Variants in NKAIN2 observed in about 807,000 individuals in gnomAD.
NKAIN2 encodes sodium/potassium-transporting ATPase subunit beta-1-interacting protein 2.
NKAIN2 carries 14 observed loss-of-function variants against 32.6 expected under a neutral mutation model. The ratio of observed to expected loss-of-function variants is 0.43; its 90% confidence interval spans 0.28 to 0.67. The LOEUF (loss-of-function observed/expected upper bound fraction) is 0.67, where lower values mean the gene tolerates loss of function less well. Among genes scored for constraint, NKAIN2 ranks in the 30% least tolerant of loss-of-function variants. The pLI, the probability that NKAIN2 is intolerant of heterozygous loss-of-function variation, is 0.17. For missense variants in NKAIN2, 198 were observed against 258.3 expected, an observed-to-expected ratio of 0.77 and a Z score of 1.60; for synonymous variants, 80 against 87.2, an observed-to-expected ratio of 0.92 and a Z score of 0.46.
At chr6:124,261,693 C>T (rs1327521600) in intron 1 of NKAIN2, among the ~76,000 whole-genome samples, 1 of 152,014 alleles carries the variant, frequency 6.6e-6, no homozygotes, top group Admixed American at 6.6e-5. Flanking sequence ...AGCCCCACCT[C>T]GGCTAAAAGT....
At chr6:124,704,876 C>T (rs1357560239) in intron 4 of NKAIN2, among the ~76,000 whole-genome samples, 1 of 151,888 alleles carries the variant, frequency 6.6e-6, no homozygotes, top group Non-Finnish European at 1.5e-5. Context: ...GTGCTATCTG[C>T]ATTTAATTTT....
At chr6:124,304,687 G>T (rs561400830) in intron 2 of NKAIN2, among the ~76,000 whole-genome samples, 1 of 151,768 alleles carries the variant, frequency 6.6e-6, no homozygotes, top group African/African-American at 2.4e-5. Context: ...AGGCCAAGGT[G>T]GGGGGATCAT....
intron 3 of NKAIN2, among the ~76,000 whole-genome samples, chr6:124,571,859 T>C (rs1345886637): frequency 6.6e-6 from 1 of 152,188 alleles, no homozygotes; most frequent in Non-Finnish European, 1.5e-5. Context: ...AACATAATTC[T>C]TCACCTCATC....
At chr6:124,320,349 G>T (rs1797124608) in intron 2 of NKAIN2, among the ~76,000 whole-genome samples, 1 of 152,086 alleles carries the variant, frequency 6.6e-6, no homozygotes. Context: ...CTCAAATGAA[G>T]AAATTTTAAA....
chr6:123,969,953 A>G (rs906268923), intron 1 of NKAIN2, among the ~76,000 whole-genome samples: 3 of 152,228 alleles, frequency 2.0e-5, no homozygotes, highest in Admixed American at 2.0e-4. Context: ...TAAAATGAAT[A>G]ATTCAATCAA....
chr6:124,333,245 T>G (rs1797736307), intron 2 of NKAIN2, among the ~76,000 whole-genome samples: 1 of 152,190 alleles, frequency 6.6e-6, no homozygotes. Flanking sequence ...ATTAACATAT[T>G]CATTTCCTGT....
chr6:123,891,990 A>G (rs1222344223), intron 1 of NKAIN2, among the ~76,000 whole-genome samples: 3 of 152,162 alleles, frequency 2.0e-5, no homozygotes, highest in Non-Finnish European at 4.4e-5. Context: ...AGATCTGTGG[A>G]TGAGGCCAGT....
chr6:124,151,901 T>C (rs577142998), intron 1 of NKAIN2, among the ~76,000 whole-genome samples: 15 of 152,072 alleles, frequency 9.9e-5, no homozygotes, highest in African/African-American at 3.6e-4. Context: ...GATACAACTC[T>C]TTATATTTTT....
rs115160137 is a variant in NKAIN2 at position 124,694,034 on chromosome 6, A to G, written c.474+35648A>G. Among the ~76,000 whole-genome samples the G allele has an allele frequency of 8.5e-3, 1,294 of 152,290 alleles. 19 individuals carry two copies. Among genetic ancestry groups the G allele is most frequent in the African/African-American group, 0.03 (1,245 of 41,538 alleles). ...TCCTTGCCATAAAAATCAGTAACCC[A>G]AGTCAATTACCCTAAATCTGCATCT... On this transcript the variant is annotated intron_variant, in intron 4 of 6. Coordinates refer to ENST00000368417, the MANE Select transcript of NKAIN2 (RefSeq NM_001040214.3).
intron 1 of NKAIN2, among the ~76,000 whole-genome samples, chr6:124,135,533 AAAAG>A (rs1311697684): frequency 2.0e-5 from 3 of 151,002 alleles, no homozygotes; most frequent in East Asian, 1.9e-4. Flanking sequence ...AAAAAAAAAA[AAAAG>A]AAGACATTAT....
At chr6:123,817,392 G>A (rs144803917) in intron 1 of NKAIN2, among the ~76,000 whole-genome samples, 2 of 152,232 alleles carry the variant, frequency 1.3e-5, no homozygotes, top group Admixed American at 6.5e-5. Flanking sequence ...TTGCAAAATA[G>A]TCCCTTTGTC....
intron 4 of NKAIN2, among the ~76,000 whole-genome samples, chr6:124,733,796 C>A (rs80233642): frequency 4.0e-5 from 6 of 151,534 alleles, no homozygotes; most frequent in African/African-American, 1.5e-4. Flanking sequence ...CATGTATAAG[C>A]ACACATGTAT....
At chr6:124,084,687 G>A (rs1323447680) in intron 1 of NKAIN2, among the ~76,000 whole-genome samples, 2 of 151,938 alleles carry the variant, frequency 1.3e-5, no homozygotes, top group Non-Finnish European at 1.5e-5. Context: ...TCTACTTGTA[G>A]AAAACAAGTC....
At chr6:124,506,175 C>T (rs1002764861) in intron 3 of NKAIN2, among the ~76,000 whole-genome samples, 9 of 125,668 alleles carry the variant, frequency 7.2e-5, no homozygotes, top group Non-Finnish European at 1.6e-4. Flanking sequence ...AGCAAGACTC[C>T]GTCTAAAAAA....
chr6:124,293,715 C>A (rs906781101), intron 2 of NKAIN2, among the ~76,000 whole-genome samples: 4 of 152,080 alleles, frequency 2.6e-5, no homozygotes, highest in African/African-American at 9.6e-5. Flanking sequence ...AATTCTATTG[C>A]TCTTTTTAGA....
At chr6:124,393,320 A>G (rs1343836945) in intron 3 of NKAIN2, among the ~76,000 whole-genome samples, 1 of 151,300 alleles carries the variant, frequency 6.6e-6, no homozygotes, top group Non-Finnish European at 1.5e-5. Flanking sequence ...TGATGAGAAT[A>G]ATTATTCATG....
intron 5 of NKAIN2, among the ~76,000 whole-genome samples, chr6:124,799,259 C>T (rs998092383): frequency 2.0e-5 from 3 of 152,164 alleles, no homozygotes; most frequent in Non-Finnish European, 4.4e-5. Flanking sequence ...CACATAATCT[C>T]CCCAGATTGG....
At chr6:124,759,645 A>G (rs1471540657) in intron 4 of NKAIN2, among the ~76,000 whole-genome samples, 1 of 85,280 alleles carries the variant, frequency 1.2e-5, no homozygotes, top group Non-Finnish European at 2.6e-5. Context: ...ACACACACAC[A>G]CACACACACA....
chr6:124,480,231 G>C (rs564808852), intron 3 of NKAIN2, among the ~76,000 whole-genome samples: 1 of 151,914 alleles, frequency 6.6e-6, no homozygotes, highest in Non-Finnish European at 1.5e-5. Flanking sequence ...ACATTGAGAG[G>C]CATTTCATTT....
Sources: gnomAD v4.1 joint callset for allele counts (sites outside exome capture counted in the v4.1 genomes callset) on GRCh38, gnomAD v4.1.1 for gene constraint, MANE v1.5 for transcripts, NCBI Gene and HGNC (gene_info 2026-07-23, HGNC 2026-07-21) for gene names.